The following ENTREP3 variants were observed in gnomAD, a reference collection of about 807,000 sequenced individuals.
The protein encoded by ENTREP3 is protein ENTREP3.
chr1:155,252,050 A>T, the ENTREP3 span: 1 of 568,236 alleles, frequency 1.8e-6, no homozygotes, highest in Non-Finnish European at 3.0e-6. Context: ...CCTCACCCAA[A>T]ATCAGCTCTC....
At chr1:155,253,907 C>T in the ENTREP3 span, 4 of 1,612,722 alleles carry the variant, frequency 2.5e-6, no homozygotes, top group Non-Finnish European at 3.4e-6. Flanking sequence ...GGGCAACTTT[C>T]AGTTCCTGCC....
the ENTREP3 span, chr1:155,250,798 C>T: frequency 6.2e-7 from 1 of 1,608,068 alleles, no homozygotes; most frequent in South Asian, 1.1e-5. The surrounding 1 kb of genome is among the most constrained non-coding windows in gnomAD (Gnocchi z 5.4). Flanking sequence ...GCTGACAGCA[C>T]CAGAGACCCG....
At chr1:155,252,690 G>GTGTATATATATATATATA in the ENTREP3 span, 7 of 32,874 alleles carry the variant, frequency 2.1e-4, no homozygotes, top group African/African-American at 5.6e-4. Flanking sequence ...AATTTTGTGT[G>GTGTATATATATATATATA]TATATATATA....
chr1:155,252,401 C>T, the ENTREP3 span, among the ~76,000 whole-genome samples: 2 of 151,644 alleles, frequency 1.3e-5, no homozygotes, highest in Admixed American at 6.6e-5. Flanking sequence ...CGAAGTTTCA[C>T]TCTTGTCGCC....
chr1:155,253,288 G>A, the ENTREP3 span: 2 of 221,418 alleles, frequency 9.0e-6, no homozygotes, highest in African/African-American at 2.3e-5. Flanking sequence ...CAGGTGATCC[G>A]CCTGCCTGGG....
chr1:155,253,719 C>T, the ENTREP3 span: 1 of 1,609,404 alleles, frequency 6.2e-7, no homozygotes. Flanking sequence ...CCCACAGACG[C>T]TGAAGAGCAG....
the ENTREP3 span, chr1:155,254,314 C>A: frequency 6.5e-7 from 1 of 1,536,076 alleles, no homozygotes; most frequent in Non-Finnish European, 9.0e-7. The surrounding 1 kb of genome is among the most constrained non-coding windows in gnomAD (Gnocchi z 4.4). Flanking sequence ...AACTGGGGAG[C>A]CAGTTCCCTT....
At chr1:155,248,477 G>C in the ENTREP3 span, 2 of 1,613,308 alleles carry the variant, frequency 1.2e-6, no homozygotes, top group Non-Finnish European at 8.5e-7. Flanking sequence ...AAGTCAGCTG[G>C]GGAGAAGAGA....
the ENTREP3 span, chr1:155,253,829 C>T: frequency 6.2e-7 from 1 of 1,612,350 alleles, no homozygotes; most frequent in Non-Finnish European, 8.5e-7. Context: ...GAGTGAGAAC[C>T]AGGAGGATGT....
chr1:155,251,754 C>G, the ENTREP3 span: 1 of 1,611,574 alleles, frequency 6.2e-7, no homozygotes, highest in Non-Finnish European at 8.5e-7. Flanking sequence ...TGTTTCTGAG[C>G]TGCAGGTATA....
chr1:155,250,745 C>G, the ENTREP3 span: 16 of 1,612,822 alleles, frequency 9.9e-6, no homozygotes, highest in South Asian at 1.6e-4. This position sits in a 1 kb window ranked among gnomAD's most constrained non-coding sequence, Gnocchi z 5.4. Context: ...CCAGCAGGCA[C>G]GAGTCCTCCG....
At chr1:155,248,294 G>C in the ENTREP3 span, 2 of 1,605,602 alleles carry the variant, frequency 1.2e-6, no homozygotes, top group Middle Eastern at 1.7e-4. Context: ...GCAGGCTTCA[G>C]AGCAGAGCCC....
chr1:155,250,821 A>G, the ENTREP3 span: 18 of 1,598,996 alleles, frequency 1.1e-5, no homozygotes, highest in Non-Finnish European at 1.5e-5. This position sits in a 1 kb window ranked among gnomAD's most constrained non-coding sequence, Gnocchi z 5.4. Context: ...GTCCATGGAC[A>G]CTGTGGGCGG....
the ENTREP3 span, chr1:155,250,758 G>C: frequency 6.2e-7 from 1 of 1,612,328 alleles, no homozygotes; most frequent in Non-Finnish European, 8.5e-7. The surrounding 1 kb of genome is among the most constrained non-coding windows in gnomAD (Gnocchi z 5.4). Flanking sequence ...GTCCTCCGAC[G>C]GGCTAGAGCC....
the ENTREP3 span, chr1:155,252,707 TA>T: frequency 2.0e-4 from 11 of 54,148 alleles, no homozygotes; most frequent in East Asian, 7.0e-4. Flanking sequence ...TATATATATA[TA>T]TATATATATA....
At chr1:155,250,861 C>T in the ENTREP3 span, 1 of 1,547,800 alleles carries the variant, frequency 6.5e-7, no homozygotes, top group Non-Finnish European at 8.7e-7. This position sits in a 1 kb window ranked among gnomAD's most constrained non-coding sequence, Gnocchi z 5.4. Flanking sequence ...CCAGCCTGGC[C>T]TGGCCTAGCC....
the ENTREP3 span, chr1:155,250,716 C>T: frequency 1.2e-6 from 2 of 1,613,018 alleles, no homozygotes; most frequent in South Asian, 1.1e-5. This position sits in a 1 kb window ranked among gnomAD's most constrained non-coding sequence, Gnocchi z 5.4. Context: ...GTCCACGGAG[C>T]GCACGGAGCC....
At chr1:155,251,285 G>T in the ENTREP3 span, 2 of 851,474 alleles carry the variant, frequency 2.3e-6, no homozygotes, top group African/African-American at 1.7e-5. Flanking sequence ...TCACTTAATT[G>T]TGCAGCCTCA....
the ENTREP3 span, chr1:155,250,135 AG>A: frequency 1.6e-6 from 1 of 634,190 alleles, no homozygotes; most frequent in Non-Finnish European, 2.6e-6. This position sits in a 1 kb window ranked among gnomAD's most constrained non-coding sequence, Gnocchi z 5.4. Context: ...GTACCTGAGA[AG>A]TGTCTACCAG....
Sources: allele counts gnomAD v4.1 joint callset (sites outside exome capture counted in the v4.1 genomes callset), GRCh38; gene constraint gnomAD v4.1.1; non-coding constraint Gnocchi (gnomAD v3.1); transcripts MANE v1.5; gene names NCBI Gene and HGNC (gene_info 2026-07-23, HGNC 2026-07-21).